Variants in MGAT5 observed in about 807,000 individuals in gnomAD.
MGAT5 encodes alpha-1,6-mannosylglycoprotein 6-beta-N-acetylglucosaminyltransferase, also known as alpha-1,6-mannosylglycoprotein 6-beta-N-acetylglucosaminyltransferase A.
In MGAT5, 30 loss-of-function variants were observed where a neutral mutation model predicts 94.3. The ratio of observed to expected loss-of-function variants is 0.32; its 90% CI spans 0.24 to 0.43. The LOEUF (loss-of-function observed/expected upper bound fraction) is 0.43, where lower values mean the gene tolerates loss of function less well. Ranked by LOEUF, MGAT5 falls within the 20% of genes least tolerant of loss-of-function variation. The pLI, the probability that MGAT5 is intolerant of heterozygous loss-of-function variation, is 1.00. For synonymous variants in MGAT5, 310 were observed against 322.9 expected, an observed-to-expected ratio of 0.96 and a Z score of 0.43; for missense variants, 691 against 905.5, an observed-to-expected ratio of 0.76 and a Z score of 3.04.
At chr2:134,314,197 C>T (rs1312643853) in intron 2 of MGAT5, among the ~76,000 whole-genome samples, 1 of 152,216 alleles carries the variant, frequency 6.6e-6, no homozygotes, top group Non-Finnish European at 1.5e-5. Flanking sequence ...CAGATTCCCT[C>T]TACCTGAGAA....
rs1681915749 is a variant in MGAT5 at position 134,240,417 on chromosome 2, T to C, written c.-142-13845T>C. 2.6e-5 allele frequency among the ~76,000 whole-genome samples: 4 copies of C among 151,912 alleles called. No homozygotes were observed. In the South Asian group the frequency reaches 8.3e-4, roughly 31 times the overall value. On this transcript the variant is annotated intron_variant, in intron 1 of 16. Transcript: ENST00000409645. ...GACATAAAGTATGTATTTACGTATA[T>C]AATCTCTGATCTCCCCTTAAGACGG...
chr2:134,403,604 A>C (rs1362328542), intron 11 of MGAT5, among the ~76,000 whole-genome samples: 2 of 152,200 alleles, frequency 1.3e-5, no homozygotes, highest in African/African-American at 2.4e-5. Context: ...ATGAGGGCAA[A>C]GTCCCTGTGG....
At chr2:134,233,365 A>G (rs140513307) in intron 1 of MGAT5, among the ~76,000 whole-genome samples, 12 of 152,302 alleles carry the variant, frequency 7.9e-5, no homozygotes, top group African/African-American at 2.4e-4. Flanking sequence ...TGAAGTAGCA[A>G]TCTTTACCAA....
intron 1 of MGAT5, among the ~76,000 whole-genome samples, chr2:134,220,444 G>A (rs917073808): frequency 3.9e-5 from 6 of 152,120 alleles, no homozygotes; most frequent in Non-Finnish European, 7.4e-5. Context: ...CCCAATAATA[G>A]TTGTTGGGGT....
chr2:134,238,264 G>A (rs1681772810), intron 1 of MGAT5, among the ~76,000 whole-genome samples: 1 of 152,192 alleles, frequency 6.6e-6, no homozygotes, highest in African/African-American at 2.4e-5. Context: ...TCTGAATGGA[G>A]ATGGTTAGTA....
chr2:134,291,099 A>G (rs76797258), intron 2 of MGAT5, among the ~76,000 whole-genome samples: 33 of 152,344 alleles, frequency 2.2e-4, no homozygotes, highest in African/African-American at 7.9e-4. Context: ...CACAAAACAT[A>G]AAGCAAGGTT....
At chr2:134,343,402 A>G (rs1297082318) in intron 7 of MGAT5, among the ~76,000 whole-genome samples, 1 of 152,172 alleles carries the variant, frequency 6.6e-6, no homozygotes, top group Non-Finnish European at 1.5e-5. Context: ...TCAGGAACCT[A>G]TTGATGATGT....
intron 1 of MGAT5, among the ~76,000 whole-genome samples, chr2:134,179,561 T>A (rs1317586403): frequency 6.6e-6 from 1 of 152,198 alleles, no homozygotes; most frequent in African/African-American, 2.4e-5. Flanking sequence ...AAGTTGGCTG[T>A]CCTATTATCA....
At chr2:134,225,106 G>A (rs967527982) in intron 1 of MGAT5, among the ~76,000 whole-genome samples, 5 of 150,542 alleles carry the variant, frequency 3.3e-5, no homozygotes, top group African/African-American at 1.2e-4. Context: ...AAAAAAATGC[G>A]GTGGAAATCG....
intron 2 of MGAT5, among the ~76,000 whole-genome samples, chr2:134,275,685 A>G (rs1558752638): frequency 7.7e-6 from 1 of 130,626 alleles, no homozygotes; most frequent in Non-Finnish European, 1.5e-5. Flanking sequence ...CCATGTCCCC[A>G]CCCCCTGCCG....
chr2:134,147,018 A>G (rs545292540), intron 1 of MGAT5, among the ~76,000 whole-genome samples: 1 of 151,474 alleles, frequency 6.6e-6, no homozygotes, highest in African/African-American at 2.4e-5. Context: ...TTGTTTAGTT[A>G]AAAAAAAACC....
chr2:134,345,754 T>C (rs893514511), intron 8 of MGAT5, among the ~76,000 whole-genome samples: 3 of 152,228 alleles, frequency 2.0e-5, no homozygotes, highest in African/African-American at 7.2e-5. Context: ...GATGCTACTC[T>C]GTGTCCGACA....
At chr2:134,275,568 G>T (rs1684305088) in intron 2 of MGAT5, among the ~76,000 whole-genome samples, 1 of 148,350 alleles carries the variant, frequency 6.7e-6, no homozygotes, top group African/African-American at 2.5e-5. Context: ...AAATGAAGAG[G>T]TGCTATTTCC....
chr2:134,220,915 G>A (rs946963423), intron 1 of MGAT5, among the ~76,000 whole-genome samples: 4 of 152,122 alleles, frequency 2.6e-5, no homozygotes, highest in African/African-American at 4.8e-5. Context: ...AGTACTCCAC[G>A]CTGTCAGCAG....
intron 2 of MGAT5, among the ~76,000 whole-genome samples, chr2:134,310,121 A>G (rs1686562226): frequency 6.6e-6 from 1 of 152,204 alleles, no homozygotes; most frequent in Middle Eastern, 3.2e-3. Context: ...GTATTTGTAC[A>G]CAGGCAGTAC....
intron 8 of MGAT5, among the ~76,000 whole-genome samples, chr2:134,345,400 G>T (rs1338201695): frequency 6.6e-6 from 1 of 152,092 alleles, no homozygotes; most frequent in Non-Finnish European, 1.5e-5. Context: ...GTGTTCCGTG[G>T]GTTTTAGATC....
chr2:134,198,800 T>G (rs191750749), intron 1 of MGAT5, among the ~76,000 whole-genome samples: 6 of 152,352 alleles, frequency 3.9e-5, no homozygotes, highest in Non-Finnish European at 8.8e-5. Context: ...ATCTTACTAC[T>G]TATAACTTTT....
intron 2 of MGAT5, 114 bp downstream of exon 2, chr2:134,270,664 A>C (rs1313513060): frequency 9.5e-6 from 10 of 1,048,586 alleles, no homozygotes; most frequent in Non-Finnish European, 1.3e-5. Flanking sequence ...AATTCTATAA[A>C]CTTGGCATGG....
chr2:134,396,508 A>C (rs982648138), intron 10 of MGAT5, among the ~76,000 whole-genome samples: 24 of 152,136 alleles, frequency 1.6e-4, no homozygotes, highest in African/African-American at 5.6e-4. Flanking sequence ...AAAAAGGAGG[A>C]TGAATCAACT....
Sources: gnomAD v4.1 joint callset for allele counts (sites outside exome capture counted in the v4.1 genomes callset) on GRCh38, gnomAD v4.1.1 for gene constraint, MANE v1.5 for transcripts, NCBI Gene and HGNC (gene_info 2026-07-23, HGNC 2026-07-21) for gene names.